The following ANKS1B variants were observed in gnomAD, a reference collection of about 807,000 sequenced individuals.
ANKS1B encodes ankyrin repeat and sterile alpha motif domain containing 1B.
ANKS1B carries 36 observed loss-of-function variants against 148.3 expected under a neutral mutation model. That is an observed-to-expected ratio of 0.24 (90% CI 0.19 to 0.32). The LOEUF is 0.32. Ranked by LOEUF, ANKS1B falls within the 10% of genes least tolerant of loss-of-function variation. The probability of loss-of-function intolerance (pLI) is 1.00; values close to 1 mark genes in which losing one functional copy is unlikely to be tolerated. For missense variants in ANKS1B, 1,157 were observed against 1,542.6 expected, an observed-to-expected ratio of 0.75 and a Z score of 4.19; for synonymous variants, 542 against 560.8, an observed-to-expected ratio of 0.97 and a Z score of 0.47.
At chr12:99,688,405 C>T (rs73387981) in intron 8 of ANKS1B, among the ~76,000 whole-genome samples, 233 of 152,320 alleles carry the variant, frequency 1.5e-3, no homozygotes, top group African/African-American at 5.4e-3. Context: ...AGACATGTAT[C>T]GCCTAATGGC....
chr12:99,293,956 A>T (rs1298761931), intron 12 of ANKS1B, among the ~76,000 whole-genome samples: 1 of 152,254 alleles, frequency 6.6e-6, no homozygotes, highest in African/African-American at 2.4e-5. Context: ...AGAGAAATGC[A>T]GATCAAAACT....
intron 22 of ANKS1B, among the ~76,000 whole-genome samples, chr12:98,784,884 C>G (rs2098775724): frequency 1.3e-5 from 2 of 152,198 alleles, no homozygotes; most frequent in East Asian, 1.9e-4. Flanking sequence ...GCACAGGCCT[C>G]TATGAATGGC....
chr12:99,800,672 A>C (rs1337633085), intron 4 of ANKS1B, among the ~76,000 whole-genome samples: 1 of 152,104 alleles, frequency 6.6e-6, no homozygotes, highest in African/African-American at 2.4e-5. Context: ...CAAAATGGGA[A>C]AGACTTGGTG....
Position 98,833,101 on chromosome 12 carries a change from T to C in ANKS1B, c.2779-965A>G, listed in dbSNP as rs942705909. On this transcript the variant is annotated intron_variant, in intron 17 of 26. Coordinates refer to ENST00000683438, the MANE Select transcript of ANKS1B (RefSeq NM_001352186.2). Reference sequence around the variant, plus strand: ...CAAAGGGCACATGGTAGAAGAGCTCTCAAAGGGAACTGAGAATTGCAGCGC... The same window carrying C: ...CAAAGGGCACATGGTAGAAGAGCTCCCAAAGGGAACTGAGAATTGCAGCGC... Among the ~76,000 whole-genome samples, 11 of 152,276 alleles carry C rather than the reference T, an allele frequency of 7.2e-5. No homozygotes were observed. The East Asian group carries it at 1.9e-3, about 27-fold the overall frequency.
chr12:99,595,129 T>C (rs1226216395), intron 9 of ANKS1B, among the ~76,000 whole-genome samples: 1 of 151,950 alleles, frequency 6.6e-6, no homozygotes, highest in Non-Finnish European at 1.5e-5. Flanking sequence ...ACTTGTATAG[T>C]CATATAAGAA....
chr12:98,873,548 A>G (rs1049774398), intron 17 of ANKS1B, among the ~76,000 whole-genome samples: 8 of 152,186 alleles, frequency 5.3e-5, no homozygotes, highest in African/African-American at 1.9e-4. Flanking sequence ...GTAATCGAGG[A>G]TAAGAAGATG....
chr12:98,966,860 A>T (rs2099878419), intron 17 of ANKS1B, among the ~76,000 whole-genome samples: 1 of 120,936 alleles, frequency 8.3e-6, no homozygotes, highest in African/African-American at 3.2e-5. Context: ...GGACACAGGA[A>T]GGGGAACATC....
At chr12:99,584,919 C>T (rs1208463986) in intron 9 of ANKS1B, among the ~76,000 whole-genome samples, 1 of 152,056 alleles carries the variant, frequency 6.6e-6, no homozygotes, top group Non-Finnish European at 1.5e-5. Flanking sequence ...ATGGGAGCTA[C>T]AATTCAAGAT....
At chr12:98,925,307 G>T (rs533583920) in intron 17 of ANKS1B, among the ~76,000 whole-genome samples, 2 of 152,102 alleles carry the variant, frequency 1.3e-5, no homozygotes, top group South Asian at 4.1e-4. Context: ...TATGAAGGAA[G>T]AATGAAAAAT....
intron 17 of ANKS1B, among the ~76,000 whole-genome samples, chr12:98,860,533 C>G (rs2099593756): frequency 6.6e-6 from 1 of 152,080 alleles, no homozygotes; most frequent in Admixed American, 6.6e-5. Flanking sequence ...ATTATAAGCC[C>G]GTCAATGGAA....
intron 17 of ANKS1B, among the ~76,000 whole-genome samples, chr12:98,994,851 A>G (rs550466571): frequency 1.3e-5 from 2 of 152,122 alleles, no homozygotes; most frequent in East Asian, 3.9e-4. Flanking sequence ...TTGCTTAATC[A>G]CCTCTTTGAA....
At chr12:99,870,866 T>C (rs1294810828) in intron 1 of ANKS1B, among the ~76,000 whole-genome samples, 2 of 152,200 alleles carry the variant, frequency 1.3e-5, no homozygotes. Flanking sequence ...TCCCATTCCA[T>C]AGGTTGTCTG....
chr12:99,285,645 T>A (rs1050802911), intron 12 of ANKS1B, among the ~76,000 whole-genome samples: 7 of 152,252 alleles, frequency 4.6e-5, no homozygotes, highest in East Asian at 3.9e-4. Context: ...GGTTTTAACA[T>A]CATACCAATG....
chr12:98,861,568 G>A (rs1310680140), intron 17 of ANKS1B, among the ~76,000 whole-genome samples: 1 of 152,138 alleles, frequency 6.6e-6, no homozygotes, highest in Non-Finnish European at 1.5e-5. Flanking sequence ...AACAATGTTT[G>A]AAGAAAAATG....
chr12:98,986,640 G>C (rs1402933210), intron 17 of ANKS1B, among the ~76,000 whole-genome samples: 1 of 151,658 alleles, frequency 6.6e-6, no homozygotes, highest in Non-Finnish European at 1.5e-5. Context: ...TTGGAGACAG[G>C]GTCTTGCTCT....
At chr12:99,872,414 AC>A (rs2091628051) in intron 1 of ANKS1B, among the ~76,000 whole-genome samples, 1 of 152,078 alleles carries the variant, frequency 6.6e-6, no homozygotes, top group African/African-American at 2.4e-5. Context: ...TGTATGATAT[AC>A]TTCAATTTTT....
intron 8 of ANKS1B, among the ~76,000 whole-genome samples, chr12:99,740,220 G>A (rs970904982): frequency 3.9e-5 from 6 of 152,168 alleles, no homozygotes; most frequent in East Asian, 1.9e-4. Context: ...CTGAGGGGGA[G>A]GATCACTTGA....
At chr12:98,768,513 T>A (rs1232978989) in intron 25 of ANKS1B, among the ~76,000 whole-genome samples, 2 of 138,880 alleles carry the variant, frequency 1.4e-5, no homozygotes, top group African/African-American at 5.3e-5. Flanking sequence ...GGCGGGCGGA[T>A]CACAAGGTCG....
chr12:99,091,880 AT>A (rs1437389047), intron 15 of ANKS1B, among the ~76,000 whole-genome samples: 10 of 152,318 alleles, frequency 6.6e-5, no homozygotes, highest in Admixed American at 6.5e-4. Flanking sequence ...TCTAGCAGGA[AT>A]CATGCAGGAG....
Sources: gnomAD v4.1 joint callset for allele counts (sites outside exome capture counted in the v4.1 genomes callset) on GRCh38, gnomAD v4.1.1 for gene constraint, MANE v1.5 for transcripts, NCBI Gene and HGNC (gene_info 2026-07-23, HGNC 2026-07-21) for gene names.